The following CELF2 variants were observed in gnomAD, a reference collection of about 807,000 sequenced individuals.
CELF2 encodes CUG triplet repeat RNA-binding protein 2.
In CELF2, 8 loss-of-function variants were observed where a neutral mutation model predicts 62.6. The ratio of observed to expected loss-of-function variants is 0.13; its 90% CI spans 0.07 to 0.23. The LOEUF (loss-of-function observed/expected upper bound fraction) is 0.23, where lower values mean the gene tolerates loss of function less well. CELF2 is among the 10% of genes least tolerant of loss of function. The probability of loss-of-function intolerance (pLI) is 1.00; values close to 1 mark genes in which losing one functional copy is unlikely to be tolerated. For missense variants in CELF2, 333 were observed against 671.0 expected, an observed-to-expected ratio of 0.50 and a Z score of 5.56; for synonymous variants, 258 against 250.0, an observed-to-expected ratio of 1.03 and a Z score of -0.30.
chr10:11,262,755 A>G (rs1165178983), intron 5 of CELF2, among the ~76,000 whole-genome samples: 2 of 152,184 alleles, frequency 1.3e-5, no homozygotes, highest in Non-Finnish European at 2.9e-5. Flanking sequence ...GATTGACTGC[A>G]TTAAGATATT....
At chr10:11,015,541 G>A (rs541143303), upstream of CELF2, among the ~76,000 whole-genome samples, 31 of 152,064 alleles carry the variant, frequency 2.0e-4, no homozygotes, top group Non-Finnish European at 3.8e-4. The surrounding 1 kb of genome is among the most constrained non-coding windows in gnomAD (Gnocchi z 4.8). Flanking sequence ...AGCTCTCCTC[G>A]GTTCACATCA....
chr10:11,011,033 C>T lies in CELF2; in HGVS notation c.53+5593C>T, dbSNP rs1365478991. On this transcript the variant is annotated intron_variant, in intron 1 of 12. Coordinates refer to the CELF2 transcript ENST00000416382. This position sits in a 1 kb window ranked among gnomAD's most constrained non-coding sequence, Gnocchi z 4.6. ...TACCAATGTAGATTCTAACAACTCT[C>T]TCTTCTGTACCCTCATTTGTTCACC... The T allele has an allele frequency of 3.9e-5, 6 of 152,226 alleles. No individual in the cohort carries two copies. The highest frequency in any genetic ancestry group is 1.4e-4 in the African/African-American group (6 of 41,456). The allele number at this position is 152,226 out of a possible 1,614,324, so 9.4% of individuals were successfully genotyped here.
upstream of CELF2, among the ~76,000 whole-genome samples, chr10:11,002,738 A>G (rs770746514): frequency 6.6e-6 from 1 of 152,230 alleles, no homozygotes; most frequent in East Asian, 1.9e-4. The surrounding 1 kb of genome is among the most constrained non-coding windows in gnomAD (Gnocchi z 4.4). Flanking sequence ...ACACAATAGC[A>G]TGAAAGGAAT....
the CELF2 span, among the ~76,000 whole-genome samples, chr10:10,495,804 C>T: frequency 3.3e-5 from 5 of 152,152 alleles, no homozygotes; most frequent in African/African-American, 7.2e-5. Context: ...GTTCTAGCAG[C>T]GTGAGCTCAC....
At chr10:11,181,902 A>G (rs776778194) in intron 2 of CELF2, among the ~76,000 whole-genome samples, 43 of 152,124 alleles carry the variant, frequency 2.8e-4, no homozygotes, top group Non-Finnish European at 4.9e-4. Flanking sequence ...TTTCCTTTTC[A>G]TGGCACGTTG....
chr10:10,711,812 G>A, the CELF2 span, among the ~76,000 whole-genome samples: 1 of 152,256 alleles, frequency 6.6e-6, no homozygotes, highest in South Asian at 2.1e-4. Flanking sequence ...AACCTCGAAG[G>A]TGGAGGTTGC....
At chr10:10,646,190 A>G in the CELF2 span, among the ~76,000 whole-genome samples, 1 of 152,210 alleles carries the variant, frequency 6.6e-6, no homozygotes, top group Non-Finnish European at 1.5e-5. Context: ...CTACAGATAA[A>G]AAGCTACAAA....
At chr10:11,005,291 A>AGAGAGAGG (rs1564349108), upstream of CELF2, 24 of 1,553,588 alleles carry the variant, frequency 1.5e-5, no homozygotes, top group Admixed American at 3.0e-4. The surrounding 1 kb of genome is among the most constrained non-coding windows in gnomAD (Gnocchi z 4.3). Flanking sequence ...AGAGAGAGAG[A>AGAGAGAGG]GAGGGAGGAG....
chr10:10,942,072 A>G (rs1412866821), intron 2 of CELF2, among the ~76,000 whole-genome samples: 1 of 151,990 alleles, frequency 6.6e-6, no homozygotes. Context: ...TTGAATTTTG[A>G]CAACATAGTT....
the CELF2 span, among the ~76,000 whole-genome samples, chr10:10,582,488 C>T: frequency 6.6e-6 from 1 of 152,130 alleles, no homozygotes; most frequent in Non-Finnish European, 1.5e-5. Context: ...CAAGGCTTCT[C>T]ACTTTATAAT....
the CELF2 span, among the ~76,000 whole-genome samples, chr10:10,664,268 C>G: frequency 2.6e-5 from 4 of 152,202 alleles, no homozygotes; most frequent in Non-Finnish European, 5.9e-5. Context: ...AGAGAAATCA[C>G]TACTCAGTTC....
chr10:11,007,738 A>G (rs2055547054), intron 1 of CELF2, among the ~76,000 whole-genome samples: 1 of 152,172 alleles, frequency 6.6e-6, no homozygotes, highest in South Asian at 2.1e-4. Flanking sequence ...GTTTAATCCA[A>G]AACAAAGGTT....
chr10:10,848,160 T>C (rs1426787342), intron 1 of CELF2, among the ~76,000 whole-genome samples: 1 of 152,220 alleles, frequency 6.6e-6, no homozygotes, highest in African/African-American at 2.4e-5. Flanking sequence ...CTATAAGAAA[T>C]TGGCCTTTTA....
intron 1 of CELF2, among the ~76,000 whole-genome samples, chr10:10,903,776 T>A (rs537994723): frequency 1.3e-5 from 2 of 152,224 alleles, no homozygotes; most frequent in Non-Finnish European, 2.9e-5. Flanking sequence ...ACAGCTGTGC[T>A]TGGGGATGAT....
At chr10:10,582,269 A>G in the CELF2 span, among the ~76,000 whole-genome samples, 5,616 of 152,240 alleles carry the variant, frequency 0.037, 333 homozygotes, top group African/African-American at 0.13. Context: ...GCCCCTTACA[A>G]CATTTTAAAT....
the CELF2 span, among the ~76,000 whole-genome samples, chr10:10,667,068 A>G: frequency 1.3e-5 from 2 of 152,102 alleles, no homozygotes; most frequent in African/African-American, 4.8e-5. Flanking sequence ...ATAGAAGAAA[A>G]AATGATTATG....
At chr10:10,805,350 T>C (rs1242097515) in intron 1 of CELF2, among the ~76,000 whole-genome samples, 3 of 152,232 alleles carry the variant, frequency 2.0e-5, no homozygotes, top group Non-Finnish European at 4.4e-5. Flanking sequence ...CATGGCAAAG[T>C]GTGTTGTCTT....
At chr10:10,956,184 C>T (rs1265920443) in intron 2 of CELF2, among the ~76,000 whole-genome samples, 5 of 152,074 alleles carry the variant, frequency 3.3e-5, no homozygotes, top group Admixed American at 6.6e-5. Flanking sequence ...TACTGAATGT[C>T]GATACTGAGT....
rs1463198915 is a variant in CELF2 at position 11,224,311 on chromosome 10, G to A, written c.354+6804G>A. ...CTGGTGCCTGATCAGATTTGCAAAA[G>A]TGCCTTGTGTCATTGCTTGAGGGAT... On this transcript the variant is annotated intron_variant, in intron 3 of 12. Transcript: ENST00000633077. This position sits in a 1 kb window ranked among gnomAD's most constrained non-coding sequence, Gnocchi z 4.5. Among the ~76,000 whole-genome samples the A allele has an allele frequency of 6.6e-6, 1 of 152,192 alleles. No homozygotes were observed. Among genetic ancestry groups the A allele is most frequent in the African/African-American group, 2.4e-5 (1 of 41,442 alleles).
Sources: allele counts gnomAD v4.1 joint callset (sites outside exome capture counted in the v4.1 genomes callset), GRCh38; gene constraint gnomAD v4.1.1; non-coding constraint Gnocchi (gnomAD v3.1); transcripts MANE v1.5; gene names NCBI Gene and HGNC (gene_info 2026-07-23, HGNC 2026-07-21).